The following PTPRK variants were observed in gnomAD, a reference collection of about 807,000 sequenced individuals.
PTPRK encodes the protein receptor-type tyrosine-protein phosphatase kappa.
In PTPRK, 75 loss-of-function variants were observed where a neutral mutation model predicts 178.0. That is an observed-to-expected ratio of 0.42 (90% CI 0.35 to 0.51). PTPRK has a LOEUF of 0.51. PTPRK is among the 20% of genes least tolerant of loss of function. PTPRK has a pLI of 0.02. For missense variants in PTPRK, 1,441 were observed against 1,797.8 expected (o/e 0.80, Z 3.59); for synonymous variants, 637 against 620.6 (o/e 1.03, Z -0.39).
At chr6:128,145,141 G>GAAGGCATAAACAATTAA (rs1446680475) in intron 7 of PTPRK, among the ~76,000 whole-genome samples, 3 of 152,216 alleles carry the variant, frequency 2.0e-5, no homozygotes, top group Admixed American at 1.3e-4. Context: ...CTAATGAAAT[G>GAAGGCATAAACAATTAA]AAGGCATAAA....
chr6:128,121,909 G>T (rs1792529329), intron 7 of PTPRK, among the ~76,000 whole-genome samples: 1 of 152,010 alleles, frequency 6.6e-6, no homozygotes, highest in African/African-American at 2.4e-5. Flanking sequence ...AGTCAATATA[G>T]AATTTTTACT....
chr6:128,078,973 A>C, intron 10 of PTPRK, 55 bp from the exon 11 acceptor site: 2 of 1,170,692 alleles, frequency 1.7e-6, no homozygotes, highest in Non-Finnish European at 2.6e-6. Flanking sequence ...GTAATATATC[A>C]CAGGTCAGAA....
chr6:128,427,926 A>C (rs994253021), intron 1 of PTPRK, among the ~76,000 whole-genome samples: 1 of 152,086 alleles, frequency 6.6e-6, no homozygotes, highest in African/African-American at 2.4e-5. Context: ...CCTCGTCTCT[A>C]CTAAAAAACA....
intron 7 of PTPRK, among the ~76,000 whole-genome samples, chr6:128,126,338 T>C (rs1370228437): frequency 7.9e-5 from 12 of 152,202 alleles, no homozygotes; most frequent in Admixed American, 7.9e-4. Flanking sequence ...CTTTTTATTA[T>C]TGAATAGTAT....
At chr6:128,219,480 T>C (rs1044109547) in intron 5 of PTPRK, among the ~76,000 whole-genome samples, 14 of 152,288 alleles carry the variant, frequency 9.2e-5, no homozygotes, top group African/African-American at 3.4e-4. Context: ...GCTGATCTGA[T>C]AGGAGGCAGA....
intron 2 of PTPRK, among the ~76,000 whole-genome samples, chr6:128,374,783 C>T (rs1402873741): frequency 6.6e-6 from 1 of 152,138 alleles, no homozygotes; most frequent in Non-Finnish European, 1.5e-5. Flanking sequence ...AATCATGTCA[C>T]TCCATTTAGA....
At chr6:128,249,298 T>TA (rs10622564) in intron 3 of PTPRK, among the ~76,000 whole-genome samples, 2,110 of 132,686 alleles carry the variant, frequency 0.016, 18 homozygotes, top group South Asian at 0.029. Flanking sequence ...TGGTGTGATT[T>TA]AAAAAAAAAA....
chr6:128,214,032 G>A lies in PTPRK; in HGVS notation c.868+4890C>T, dbSNP rs183831720. Among the ~76,000 whole-genome samples the A allele has an allele frequency of 5.4e-3, 824 of 152,150 alleles. 2 individuals carry two copies. Among genetic ancestry groups the A allele is most frequent in the Middle Eastern group, 0.01 (3 of 294 alleles). ...ATGCCAGGGTCAGTCCCACTCCTCT[G>A]ATTTCAACTAAACAATTTTATTTGT... is the stretch of plus-strand genomic sequence containing the variant. On this transcript the variant is annotated intron_variant, in intron 6 of 29. Coordinates refer to ENST00000368226, the MANE Select transcript of PTPRK (RefSeq NM_002844.4).
At chr6:127,975,309 G>C (rs1774402239) in intron 27 of PTPRK, among the ~76,000 whole-genome samples, 1 of 152,136 alleles carries the variant, frequency 6.6e-6, no homozygotes, top group African/African-American at 2.4e-5. Context: ...TAATGTAACA[G>C]ATGTGCAGAC....
intron 1 of PTPRK, among the ~76,000 whole-genome samples, chr6:128,416,522 C>T (rs1171238832): frequency 6.6e-6 from 1 of 151,784 alleles, no homozygotes; most frequent in Non-Finnish European, 1.5e-5. Flanking sequence ...TGGCTGGCGC[C>T]TGTAGTCCCA....
At chr6:128,340,818 A>G (rs544140499) in intron 2 of PTPRK, 7 of 471,030 alleles carry the variant, frequency 1.5e-5, no homozygotes, top group South Asian at 1.2e-4. Context: ...GATCATAATG[A>G]AACATCATTT....
intron 7 of PTPRK, among the ~76,000 whole-genome samples, chr6:128,103,544 C>A (rs573451778): frequency 6.6e-6 from 1 of 152,276 alleles, no homozygotes; most frequent in South Asian, 2.1e-4. Flanking sequence ...TCTGCATGTT[C>A]CCCCTCCTGT....
At chr6:128,021,149 G>C (rs1308096185) in intron 13 of PTPRK, among the ~76,000 whole-genome samples, 1 of 152,064 alleles carries the variant, frequency 6.6e-6, no homozygotes, top group East Asian at 1.9e-4. Flanking sequence ...GAAAAGATGG[G>C]AGCCTTATTT....
chr6:128,124,049 T>G (rs1393326216), intron 7 of PTPRK, among the ~76,000 whole-genome samples: 1 of 151,890 alleles, frequency 6.6e-6, no homozygotes, highest in East Asian at 1.9e-4. Context: ...CTTGTTTTTT[T>G]TTTTTTTTCC....
chr6:128,098,929 T>G (rs1345304819), intron 7 of PTPRK, among the ~76,000 whole-genome samples: 4 of 151,984 alleles, frequency 2.6e-5, no homozygotes, highest in African/African-American at 9.7e-5. Context: ...GAGGGGTTAA[T>G]TTCTTCACTA....
chr6:128,226,754 A>G, intron 5 of PTPRK, among the ~76,000 whole-genome samples: 1 of 97,084 alleles, frequency 1.0e-5, no homozygotes, highest in East Asian at 3.2e-4. Context: ...TCTTATAATT[A>G]TATAGACATA....
At chr6:128,359,708 C>A (rs112676191) in intron 2 of PTPRK, among the ~76,000 whole-genome samples, 1 of 151,750 alleles carries the variant, frequency 6.6e-6, no homozygotes, top group Non-Finnish European at 1.5e-5. Context: ...GCTGAGATCA[C>A]GCCACTGCAC....
chr6:128,298,418 C>A (rs1480653079), intron 3 of PTPRK, among the ~76,000 whole-genome samples: 2 of 148,482 alleles, frequency 1.3e-5, no homozygotes, highest in Admixed American at 6.6e-5. Context: ...CGGGCAGAGA[C>A]ACAACCAAAA....
At chr6:128,297,468 G>C (rs1006115557) in intron 3 of PTPRK, among the ~76,000 whole-genome samples, 1 of 152,058 alleles carries the variant, frequency 6.6e-6, no homozygotes, top group South Asian at 2.1e-4. Flanking sequence ...TGACCACATA[G>C]TTGGAAGTAA....
Sources: gnomAD v4.1 joint callset for allele counts (sites outside exome capture counted in the v4.1 genomes callset) on GRCh38, gnomAD v4.1.1 for gene constraint, MANE v1.5 for transcripts, NCBI Gene and HGNC (gene_info 2026-07-23, HGNC 2026-07-21) for gene names.